ANO3: variants seen among roughly 807,000 people sequenced by gnomAD.
ANO3 encodes anoctamin 3, also known as anoctamin-3.
In ANO3, 99 loss-of-function variants were observed where a neutral mutation model predicts 144.8. That is an observed-to-expected ratio of 0.68 (90% CI 0.58 to 0.81). ANO3 has a LOEUF of 0.81. Among genes scored for constraint, ANO3 ranks in the 30% least tolerant of loss-of-function variants. The pLI is 0.00. For synonymous variants in ANO3, 414 were observed against 392.6 expected (o/e 1.05, Z -0.64); for missense variants, 905 against 1,202.2 (o/e 0.75, Z 3.66).
chr11:26,233,694 A>G (rs1187165693), intron 1 of ANO3, among the ~76,000 whole-genome samples: 3 of 152,248 alleles, frequency 2.0e-5, no homozygotes, highest in Non-Finnish European at 2.9e-5. Context: ...AACCAACTCA[A>G]ATGCCCATCA....
At chr11:26,432,780 A>G (rs1190066782) in intron 1 of ANO3, among the ~76,000 whole-genome samples, 1 of 152,128 alleles carries the variant, frequency 6.6e-6, no homozygotes, top group Non-Finnish European at 1.5e-5. Context: ...TTGTACTGGT[A>G]TCATGCTACC....
intron 1 of ANO3, among the ~76,000 whole-genome samples, chr11:26,195,173 G>T (rs1029740610): frequency 3.9e-5 from 6 of 152,138 alleles, no homozygotes; most frequent in African/African-American, 7.2e-5. Flanking sequence ...TGGCTACTAG[G>T]GTGTTGATGC....
At chr11:26,563,892 G>A (rs939695335) in intron 14 of ANO3, among the ~76,000 whole-genome samples, 2 of 151,554 alleles carry the variant, frequency 1.3e-5, no homozygotes, top group East Asian at 1.9e-4. Context: ...CTTTTCACTC[G>A]GTATCTTATT....
chr11:26,329,280 C>T (rs538238145), upstream of ANO3, among the ~76,000 whole-genome samples: 22 of 148,284 alleles, frequency 1.5e-4, 1 homozygote, highest in East Asian at 2.3e-3. Flanking sequence ...ACTTCCAAAA[C>T]GTACTTTCTT....
At chr11:26,332,034 A>G (rs1421608616), upstream of ANO3, 2 of 1,246,988 alleles carry the variant, frequency 1.6e-6, no homozygotes, top group Non-Finnish European at 2.1e-6. Context: ...CGCGCGGGGG[A>G]TGCGGGGTTG....
intron 24 of ANO3, among the ~76,000 whole-genome samples, chr11:26,653,773 C>T (rs909039332): frequency 4.0e-5 from 6 of 151,502 alleles, no homozygotes; most frequent in African/African-American, 1.5e-4. Flanking sequence ...GTGTTATCTT[C>T]CTAAAAAAGT....
At chr11:26,377,072 T>C (rs1168010119) in intron 1 of ANO3, among the ~76,000 whole-genome samples, 1 of 152,112 alleles carries the variant, frequency 6.6e-6, no homozygotes, top group African/African-American at 2.4e-5. Flanking sequence ...ATAGTAGCCA[T>C]TGGTTGGTAC....
At chr11:26,364,755 T>A (rs1856018357) in intron 1 of ANO3, among the ~76,000 whole-genome samples, 1 of 152,166 alleles carries the variant, frequency 6.6e-6, no homozygotes, top group African/African-American at 2.4e-5. Context: ...CGTGATCAAA[T>A]CATCTCCTAC....
chr11:26,500,835 G>C (rs1861165354), intron 4 of ANO3, among the ~76,000 whole-genome samples: 1 of 151,496 alleles, frequency 6.6e-6, no homozygotes, highest in East Asian at 1.9e-4. Context: ...TTTATAATAA[G>C]TAGGGTCTGT....
chr11:26,586,626 C>A (rs547964666), intron 14 of ANO3, among the ~76,000 whole-genome samples: 1 of 151,154 alleles, frequency 6.6e-6, no homozygotes, highest in Non-Finnish European at 1.5e-5. Context: ...CCTCAGCCTC[C>A]CGAGTAGCTG....
chr11:26,554,584 C>T (rs549530615), intron 13 of ANO3, among the ~76,000 whole-genome samples: 16 of 152,050 alleles, frequency 1.1e-4, no homozygotes, highest in South Asian at 2.1e-4. Flanking sequence ...GTGTAGTCAC[C>T]GAGCCTCGGT....
At chr11:26,189,002 C>T (rs1198320223) in exon 1 of ANO3, 1 of 164,958 alleles carries the variant, frequency 6.1e-6, no homozygotes, top group African/African-American at 2.4e-5. Context: ...ACACAGAAAA[C>T]CTCTTAGAGT....
chr11:26,644,459 T>C (rs1853274032), intron 23 of ANO3, among the ~76,000 whole-genome samples: 1 of 152,176 alleles, frequency 6.6e-6, no homozygotes, highest in Non-Finnish European at 1.5e-5. Context: ...GATTATTTCC[T>C]CAGGATACAT....
chr11:26,364,872 C>A (rs537900990), intron 1 of ANO3, among the ~76,000 whole-genome samples: 4 of 152,292 alleles, frequency 2.6e-5, no homozygotes, highest in African/African-American at 9.6e-5. Flanking sequence ...AATCTCATAT[C>A]CCTCTCCCAT....
chr11:26,575,283 A>G (rs1850956699), intron 14 of ANO3, among the ~76,000 whole-genome samples: 1 of 151,842 alleles, frequency 6.6e-6, no homozygotes, highest in Non-Finnish European at 1.5e-5. Flanking sequence ...ACTTCTGATG[A>G]TTACTCAATT....
intron 1 of ANO3, among the ~76,000 whole-genome samples, chr11:26,385,893 G>GTGTGTATATATATATATATA (rs1183332896): frequency 1.4e-5 from 2 of 143,694 alleles, no homozygotes; most frequent in African/African-American, 5.4e-5. Flanking sequence ...CTTTGTGTGT[G>GTGTGTATATATATATATATA]TATATATATT....
At chr11:26,564,730 CACATATATATATATATATATAT>C (rs1442289679) in intron 14 of ANO3, among the ~76,000 whole-genome samples, 61 of 24,004 alleles carry the variant, frequency 2.5e-3, no homozygotes, top group African/African-American at 9.8e-3. Flanking sequence ...CACACACACA[CACATATATATATATATATATAT>C]ATATATATAT....
At chr11:26,522,582 G>C (rs1465206538) in intron 6 of ANO3, among the ~76,000 whole-genome samples, 2 of 152,124 alleles carry the variant, frequency 1.3e-5, no homozygotes, top group Non-Finnish European at 2.9e-5. Context: ...ATGAACAGTA[G>C]GCAGTTACTA....
At chr11:26,304,057 T>A (rs963604856) in intron 1 of ANO3, among the ~76,000 whole-genome samples, 2 of 152,220 alleles carry the variant, frequency 1.3e-5, no homozygotes, top group African/African-American at 4.8e-5. Flanking sequence ...TTAAGTAATA[T>A]CAAATAATAT....
Sources: allele counts gnomAD v4.1 joint callset (sites outside exome capture counted in the v4.1 genomes callset), GRCh38; gene constraint gnomAD v4.1.1; transcripts MANE v1.5; gene names NCBI Gene and HGNC (gene_info 2026-07-23, HGNC 2026-07-21).